BRD4: variants seen among roughly 807,000 people sequenced by gnomAD.
BRD4 encodes bromodomain-containing protein 4.
BRD4 carries 16 observed loss-of-function variants against 142.1 expected under a neutral mutation model. The observed-to-expected ratio is 0.11, with a 90% CI of 0.08 to 0.17. BRD4 has a LOEUF of 0.17. Ranked by LOEUF, BRD4 falls within the 10% of genes least tolerant of loss-of-function variation. The probability of loss-of-function intolerance (pLI) is 1.00; values close to 1 mark genes in which losing one functional copy is unlikely to be tolerated. For missense variants in BRD4, 1,424 were observed against 1,810.9 expected (o/e 0.79, Z 3.88); for synonymous variants, 833 against 707.5 (o/e 1.18, Z -2.82).
chr19:15,311,228 G>A (rs1231249627), intron 1 of BRD4, among the ~76,000 whole-genome samples: 3 of 151,864 alleles, frequency 2.0e-5, no homozygotes, highest in African/African-American at 4.8e-5. Flanking sequence ...GGAGGCGGAG[G>A]TTGCGGTGAG....
At chr19:15,240,969 C>G (rs1230423542) in intron 14 of BRD4, among the ~76,000 whole-genome samples, 1 of 152,200 alleles carries the variant, frequency 6.6e-6, no homozygotes, top group Non-Finnish European at 1.5e-5. Context: ...TCTCCAGGAG[C>G]CCTGCTGGCT....
At chr19:15,317,356 G>A (rs1272332530) in intron 1 of BRD4, among the ~76,000 whole-genome samples, 2 of 152,200 alleles carry the variant, frequency 1.3e-5, no homozygotes, top group African/African-American at 4.8e-5. Context: ...AAGTGACCAA[G>A]TCTGCAGCTC....
intron 7 of BRD4, among the ~76,000 whole-genome samples, chr19:15,262,116 G>A (rs1478143844): frequency 1.3e-5 from 2 of 152,124 alleles, no homozygotes; most frequent in Non-Finnish European, 2.9e-5. Flanking sequence ...GAGCAGGTAC[G>A]GGCTGCTATG....
intron 11 of BRD4, chr19:15,253,696 C>G: frequency 6.3e-7 from 1 of 1,598,470 alleles, no homozygotes; most frequent in Non-Finnish European, 8.5e-7. Flanking sequence ...CAGAAACCAG[C>G]GAAGCATCTC....
rs529038255 is a variant in BRD4, at chr19:15,261,043, A to C, written c.1341+2377T>G. Among the ~76,000 whole-genome samples the C allele has an allele frequency of 3.2e-3, 483 of 152,318 alleles. 3 individuals carry two copies. Among genetic ancestry groups the C allele is most frequent in the South Asian group, 7.5e-3 (36 of 4,828 alleles). On this transcript the variant is annotated intron_variant, in intron 7 of 19. Transcript: ENST00000679869. ...GAGTTCTTCCTATGAGAGTAGATGA[A>C]GGGCATGGGTATCAATGTGAGCAGT...
At chr19:15,285,553 A>C (rs2047733330) in intron 1 of BRD4, among the ~76,000 whole-genome samples, 1 of 150,598 alleles carries the variant, frequency 6.6e-6, no homozygotes, top group African/African-American at 2.5e-5. Flanking sequence ...TGACAGAGTG[A>C]GACCCCATCT....
intron 11 of BRD4, chr19:15,246,542 A>G (rs2047288240): frequency 6.6e-6 from 1 of 152,092 alleles, no homozygotes; most frequent in Admixed American, 6.5e-5. Context: ...GTTGAGGGAA[A>G]AAGTGTGTGT....
At chr19:15,240,105 G>T in intron 14 of BRD4, 83 bp from the exon 15 acceptor site, 1 of 1,504,698 alleles carries the variant, frequency 6.6e-7, no homozygotes. Context: ...GAAAACGTGG[G>T]CTGTATGGAG....
Position 15,239,647 on chromosome 19 carries a change from G to A in BRD4, c.3445+12C>T, listed in dbSNP as rs746128795. The A allele has an allele frequency of 6.4e-7, 1 of 1,572,342 alleles. No homozygotes were observed. The highest frequency in any genetic ancestry group is 8.6e-7 in the Non-Finnish European group (1 of 1,168,110). The stretch of plus-strand genomic sequence containing the variant: ...GGCCTGAGCCCTGGCTGTGGGCAGG[G>A]AGAGCACTCACGCTGGGGCAGGTGG... On this transcript the variant is annotated intron_variant, in intron 16 of 19. Coordinates refer to ENST00000679869, the MANE Select transcript of BRD4 (RefSeq NM_001379291.1). This position sits in a 1 kb window ranked among gnomAD's most constrained non-coding sequence, Gnocchi z 7.4.
intron 1 of BRD4, among the ~76,000 whole-genome samples, chr19:15,284,145 T>G: frequency 6.6e-6 from 1 of 151,978 alleles, no homozygotes. Flanking sequence ...AAGAGAAAGA[T>G]CTGGAAAAAA....
intron 10 of BRD4, 87 bp downstream of exon 10, chr19:15,255,210 G>T: frequency 8.2e-7 from 1 of 1,226,424 alleles, no homozygotes. Flanking sequence ...GGGGGGGGGC[G>T]CAGAAAGAGT....
intron 1 of BRD4, chr19:15,275,850 G>A (rs1037358973): frequency 6.6e-6 from 1 of 152,032 alleles, no homozygotes; most frequent in African/African-American, 2.4e-5. Context: ...CTACTAAAAA[G>A]ACAAAAAATT....
Position 15,273,150 on chromosome 19 carries a change from G to C in BRD4, c.-34-17C>G. The C allele has an allele frequency of 1.9e-5, 29 of 1,528,120 alleles. No individual in the cohort carries two copies. The highest frequency in any genetic ancestry group is 2.6e-5 in the Non-Finnish European group (29 of 1,136,944). The allele number at this position is 1,528,120 out of a possible 1,614,324, so 94.7% of individuals were successfully genotyped here. A position where few individuals can be genotyped will look rare whatever the true frequency, so the allele number is the denominator to read the frequency against. On this transcript the variant is annotated splice_polypyrimidine_tract_variant and intron_variant, in intron 1 of 19. Coordinates refer to ENST00000679869, the MANE Select transcript of BRD4 (RefSeq NM_001379291.1). ...CCAGGCACTCTACAAAGGAAGAGAAGAGCCCCCGTGAGATATCAGTCAGCA... is the reference window on the plus strand; with the variant it reads ...CCAGGCACTCTACAAAGGAAGAGAACAGCCCCCGTGAGATATCAGTCAGCA...
chr19:15,252,296 GACC>G (rs1425936212), intron 11 of BRD4, among the ~76,000 whole-genome samples: 1 of 152,192 alleles, frequency 6.6e-6, no homozygotes, highest in Non-Finnish European at 1.5e-5. Context: ...ACACTGCCAC[GACC>G]ACGTCATGTC....
chr19:15,317,002 C>T (rs1294306992), intron 1 of BRD4, among the ~76,000 whole-genome samples: 2 of 152,204 alleles, frequency 1.3e-5, no homozygotes, highest in African/African-American at 2.4e-5. Flanking sequence ...CTGAGCTCTA[C>T]CCTGTGCTCA....
chr19:15,249,077 C>A, intron 11 of BRD4: 1 of 764,108 alleles, frequency 1.3e-6, no homozygotes, highest in Non-Finnish European at 2.1e-6. Context: ...GCTGGCCAGG[C>A]AGGCAGCCTT....
chr19:15,306,956 T>TG (rs1259189954), intron 1 of BRD4, among the ~76,000 whole-genome samples: 2 of 152,178 alleles, frequency 1.3e-5, no homozygotes, highest in Admixed American at 1.3e-4. Context: ...ACTTGCTCAA[T>TG]GCAGGGTCAC....
rs1348437193 is a variant in BRD4 at position 15,236,647 on chromosome 19, C to T, written c.*1730G>A. On this transcript the variant is annotated 3_prime_UTR_variant, in exon 20 of 20. Coordinates refer to ENST00000679869, the MANE Select transcript of BRD4 (RefSeq NM_001379291.1). ...ATGGGTACCGGGCTCTGCGTCACAG[C>T]TTCAGCTTGGGGTGGTTGCTATGAG... The T allele has an allele frequency of 6.2e-6, 1 of 161,124 alleles. No individual in the cohort carries two copies. Among genetic ancestry groups the T allele is most frequent in the African/African-American group, 2.4e-5 (1 of 41,594 alleles). 10.0% of individuals were successfully genotyped at this position (161,124 alleles called of 1,614,324 possible). A position where few individuals can be genotyped will look rare whatever the true frequency, so the allele number is the denominator to read the frequency against.
At chr19:15,290,290 G>A (rs1329355654) in intron 1 of BRD4, among the ~76,000 whole-genome samples, 1 of 152,162 alleles carries the variant, frequency 6.6e-6, no homozygotes, top group East Asian at 1.9e-4. Flanking sequence ...TAAAAAGTTA[G>A]TACTAGACCA....
Sources: gnomAD v4.1 joint callset for allele counts (sites outside exome capture counted in the v4.1 genomes callset) on GRCh38, gnomAD v4.1.1 for gene constraint, Gnocchi (gnomAD v3.1) non-coding constraint, MANE v1.5 for transcripts, NCBI Gene and HGNC (gene_info 2026-07-23, HGNC 2026-07-21) for gene names.